Variants in PRPSAP2 observed in about 807,000 individuals in gnomAD.
The protein encoded by PRPSAP2 is phosphoribosyl pyrophosphate synthase-associated protein 2.
PRPSAP2 carries 24 observed loss-of-function variants against 40.6 expected under a neutral mutation model. The ratio of observed to expected loss-of-function variants is 0.59; its 90% CI spans 0.43 to 0.83. The LOEUF (loss-of-function observed/expected upper bound fraction) is 0.83. Ranked by LOEUF, PRPSAP2 falls within the 40% of genes least tolerant of loss-of-function variation. PRPSAP2 has a pLI of 0.00. For missense variants in PRPSAP2, 292 were observed against 465.6 expected (o/e 0.63, Z 3.43); for synonymous variants, 149 against 164.7 (o/e 0.90, Z 0.73).
intron 8 of PRPSAP2, among the ~76,000 whole-genome samples, chr17:18,899,145 C>A (rs1417863620): frequency 1.3e-5 from 2 of 152,168 alleles, no homozygotes; most frequent in Admixed American, 1.3e-4. Context: ...CTCAGGTGAT[C>A]CACCCACCTT....
Position 18,877,927 on chromosome 17 carries a change from TTC to T in PRPSAP2, c.412+63_412+64del. ...GGGGCCTGGGAGTTTTATTTATTTA[TTC>T]TCTCTTTTTTAAGACAGGGTCTTGC... On this transcript the variant is annotated intron_variant, in intron 6 of 11. Transcript: ENST00000268835. The T allele has an allele frequency of 3.3e-6, 5 of 1,492,632 alleles. No individual in the cohort carries two copies. The South Asian group carries it at 5.1e-5, about 15-fold the overall frequency. 92.5% of individuals were successfully genotyped at this position (1,492,632 alleles called of 1,614,324 possible).
At chr17:18,896,713 ACT>A (rs1458941937) in intron 8 of PRPSAP2, among the ~76,000 whole-genome samples, 14 of 149,006 alleles carry the variant, frequency 9.4e-5, no homozygotes, top group Non-Finnish European at 2.1e-4. Context: ...ACACAGAGTG[ACT>A]CTAAGTTTGA....
In PRPSAP2 at chr17:18,911,151, T is replaced by C. The variant is rs1176587932; in HGVS notation, c.633T>C (p.His211=). 4 of 1,613,916 alleles carry C rather than the reference T, an allele frequency of 2.5e-6. No individual in the cohort carries two copies. The highest frequency in any genetic ancestry group is 2.2e-5 in the South Asian group (2 of 91,064). ...ERLRLGIAVI[H]GEAQDAESDL... The stretch of plus-strand genomic sequence containing the variant: ...TGCGCCTGGGAATTGCAGTGATTCA[T>C]GGAGAGGCGCAGGATGCCGAGTCGG... The change falls in exon 9 of 12, where the codon CAT becomes CAC. Residue 211 remains histidine, a synonymous_variant. Transcript: ENST00000268835. The surrounding 1 kb of genome is among the most constrained non-coding windows in gnomAD (Gnocchi z 4.5).
chr17:18,923,617 C>G (rs900606764), intron 9 of PRPSAP2, among the ~76,000 whole-genome samples: 4 of 152,114 alleles, frequency 2.6e-5, no homozygotes, highest in Non-Finnish European at 5.9e-5. Context: ...GATCTGGATG[C>G]CTTTCATTTC....
intron 8 of PRPSAP2, chr17:18,908,656 G>C (rs898994519): frequency 1.5e-5 from 11 of 721,498 alleles, no homozygotes; most frequent in Non-Finnish European, 2.8e-5. Context: ...CTTCGCCAAC[G>C]AGTGCCCCAA....
At chr17:18,927,092 G>T (rs1279581963) in intron 10 of PRPSAP2, among the ~76,000 whole-genome samples, 2 of 152,154 alleles carry the variant, frequency 1.3e-5, no homozygotes, top group Non-Finnish European at 2.9e-5. Context: ...GGGCCTTCTT[G>T]CTGTGTCCTC....
intron 5 of PRPSAP2, 54 bp downstream of exon 5, chr17:18,872,703 TTAAAA>T: frequency 1.5e-6 from 2 of 1,375,042 alleles, no homozygotes; most frequent in African/African-American, 1.4e-5. Context: ...GCATGAGTGT[TTAAAA>T]TAATGATAGA....
chr17:18,872,631 T>C lies in PRPSAP2; in HGVS notation c.221T>C (p.Ile74Thr). Reference sequence around the variant, plus strand: ...TCTGTGAGGGGAAAAGATGTTTTCATCATCCAAACTGTTTCGAAGTGAGTA... The same window carrying C: ...TCTGTGAGGGGAAAAGATGTTTTCACCATCCAAACTGTTTCGAAGTGAGTA... ...QESVRGKDVF[I>T]IQTVSKDVNT... The change falls in exon 5 of 12, where the codon ATC (isoleucine) becomes ACC (threonine). Residue 74 changes from isoleucine (I) to threonine (T), a missense_variant. This residue lies in a region of PRPSAP2 where 241 missense variants were observed against 425.7 expected (regional missense o/e 0.57). Transcript: ENST00000268835. 1 of 1,597,798 alleles carries C rather than the reference T, an allele frequency of 6.3e-7. No homozygotes were observed. The highest frequency in any genetic ancestry group is 8.6e-7 in the Non-Finnish European group (1 of 1,165,332).
chr17:18,878,425 G>C (rs373293381), intron 6 of PRPSAP2, among the ~76,000 whole-genome samples: 22 of 152,270 alleles, frequency 1.4e-4, no homozygotes, highest in African/African-American at 5.1e-4. Context: ...TTCTGTGTCA[G>C]GCATTTTCAG....
At chr17:18,894,087 A>G (rs530514871) in intron 8 of PRPSAP2, among the ~76,000 whole-genome samples, 1 of 151,688 alleles carries the variant, frequency 6.6e-6, no homozygotes, top group East Asian at 2.0e-4. Flanking sequence ...TCCTGACCTC[A>G]GGTGATCCAC....
chr17:18,871,653 C>CTTTTTTTTTTT (rs142523345), intron 4 of PRPSAP2, among the ~76,000 whole-genome samples: 1 of 129,784 alleles, frequency 7.7e-6, no homozygotes, highest in Non-Finnish European at 1.6e-5. Flanking sequence ...ATATAATTTT[C>CTTTTTTTTTTT]TTTTTTTTTT....
At chr17:18,898,025 T>C (rs2040030300) in intron 8 of PRPSAP2, among the ~76,000 whole-genome samples, 1 of 130,818 alleles carries the variant, frequency 7.6e-6, no homozygotes, top group Non-Finnish European at 1.6e-5. Flanking sequence ...TTTGAGGCAG[T>C]GTCTCGCTCT....
At chr17:18,868,403 C>T (rs939346823) in intron 4 of PRPSAP2, among the ~76,000 whole-genome samples, 4 of 148,972 alleles carry the variant, frequency 2.7e-5, no homozygotes, top group African/African-American at 5.0e-5. Flanking sequence ...TGAACCCGGG[C>T]GGTGGAGGTT....
chr17:18,928,342 T>C (rs1014063587), intron 10 of PRPSAP2: 1 of 201,624 alleles, frequency 5.0e-6, no homozygotes, highest in Non-Finnish European at 1.0e-5. Context: ...TCCCATATGC[T>C]CAGTGGAGAA....
At chr17:18,912,962 T>C (rs749404732) in intron 9 of PRPSAP2, among the ~76,000 whole-genome samples, 4 of 152,208 alleles carry the variant, frequency 2.6e-5, no homozygotes, top group Non-Finnish European at 5.9e-5. Flanking sequence ...CCACAAAAAC[T>C]GGGGCAGGGG....
intron 10 of PRPSAP2, among the ~76,000 whole-genome samples, chr17:18,927,504 C>T (rs973009588): frequency 4.6e-5 from 7 of 152,122 alleles, no homozygotes; most frequent in Admixed American, 3.9e-4. Flanking sequence ...TATTGCTGGG[C>T]AGTATCCCAT....
chr17:18,903,153 C>T (rs1232436354), intron 8 of PRPSAP2, among the ~76,000 whole-genome samples: 2 of 151,666 alleles, frequency 1.3e-5, no homozygotes, highest in Non-Finnish European at 2.9e-5. Context: ...AGAGGCTGGG[C>T]GCATTGGCTC....
chr17:18,881,404 A>G (rs1183741707), intron 6 of PRPSAP2, among the ~76,000 whole-genome samples: 2 of 151,086 alleles, frequency 1.3e-5, no homozygotes, highest in African/African-American at 4.9e-5. Context: ...TGCCTGGCTA[A>G]TTTTTGTGTT....
In PRPSAP2 at chr17:18,930,596, TA is replaced by T; in HGVS notation, c.1012del (p.Thr338LeufsTer6). On this transcript the variant is annotated frameshift_variant, in exon 12 of 12. Coordinates refer to ENST00000268835, the MANE Select transcript of PRPSAP2 (RefSeq NM_002767.4). LOFTEE classifies it high-confidence loss of function. The stretch of plus-strand genomic sequence containing the variant: ...TCCAGAAGCTCCAGTGCCCCAAGAT[TA>T]AAACTGTGGATATCAGCATGATCCT... ...EVQKLQCPKI[K>X]TVDISMILSE... 6.2e-7 allele frequency: 1 copy of T among 1,613,816 alleles called. No homozygotes were observed. The highest frequency in any genetic ancestry group is 8.5e-7 in the Non-Finnish European group (1 of 1,179,822).
Sources: gnomAD v4.1 joint callset for allele counts (sites outside exome capture counted in the v4.1 genomes callset) on GRCh38, gnomAD v4.1.1 for gene constraint, gnomAD v4.1.1 regional missense constraint, Gnocchi (gnomAD v3.1) non-coding constraint, MANE v1.5 for transcripts, NCBI Gene and HGNC (gene_info 2026-07-23, HGNC 2026-07-21) for gene names.